PARPBP: variants seen among roughly 807,000 people sequenced by gnomAD.
PARPBP encodes the protein PCNA-interacting partner.
In PARPBP, 52 loss-of-function variants were observed where a neutral mutation model predicts 50.0. The ratio of observed to expected loss-of-function variants is 1.04; its 90% CI spans 0.83 to 1.31. The LOEUF (loss-of-function observed/expected upper bound fraction) is 1.31, where lower values mean the gene tolerates loss of function less well. Ranked by LOEUF, PARPBP falls within the 50% of genes most tolerant of loss-of-function variation. The probability of loss-of-function intolerance (pLI) is 0.00; values close to 1 mark genes in which losing one functional copy is unlikely to be tolerated. For missense variants in PARPBP, 697 were observed against 672.0 expected, an observed-to-expected ratio of 1.04 and a Z score of -0.41; for synonymous variants, 244 against 232.1, an observed-to-expected ratio of 1.05 and a Z score of -0.47.
At chr12:102,193,974 A>G (rs541640152) in intron 9 of PARPBP, among the ~76,000 whole-genome samples, 26 of 152,170 alleles carry the variant, frequency 1.7e-4, no homozygotes, top group African/African-American at 6.0e-4. Flanking sequence ...CTAATGCTTC[A>G]TGTAAGCACA....
chr12:102,124,705 T>C (rs1181334444), intron 2 of PARPBP, among the ~76,000 whole-genome samples: 1 of 152,246 alleles, frequency 6.6e-6, no homozygotes, highest in African/African-American at 2.4e-5. Flanking sequence ...TTGGCAAAGA[T>C]ACTGGCTTGA....
chr12:102,190,609 G>GGCACTTGAAACAGGA (rs1301042741), intron 9 of PARPBP, among the ~76,000 whole-genome samples: 2 of 152,078 alleles, frequency 1.3e-5, no homozygotes, highest in Non-Finnish European at 2.9e-5. Context: ...GTGCCCAGGG[G>GGCACTTGAAACAGGA]TCCTTGAAAC....
chr12:102,136,510 AT>A (rs1199865322), intron 2 of PARPBP, among the ~76,000 whole-genome samples: 1 of 152,250 alleles, frequency 6.6e-6, no homozygotes, highest in Admixed American at 6.5e-5. Context: ...ATACTGAAAT[AT>A]TCAATCCAAG....
At position 102,178,607 on chromosome 12, in the gene PARPBP, A is replaced by G. The variant is rs1020676786; in HGVS notation, c.1021A>G (p.Ile341Val). ...ISPARPKSHA[I>V]NHGTAYCGRD... ...TTTGTCTCAGCCAAAATCTCATGCC[A>G]TAAACCATGGTACTGCATACTGTGG... is the stretch of plus-strand genomic sequence containing the variant. Residue 341 changes from isoleucine to valine, a missense_variant, in exon 8 of 11, where the codon ATA becomes GTA. Coordinates refer to ENST00000327680, the MANE Select transcript of PARPBP (RefSeq NM_017915.5). 1.0e-5 allele frequency: 16 copies of G among 1,584,286 alleles called. No individual in the cohort carries two copies. Among genetic ancestry groups the G allele is most frequent in the Non-Finnish European group, 1.4e-5 (16 of 1,166,412 alleles).
chr12:102,142,560 A>G (rs1220254000), intron 2 of PARPBP, among the ~76,000 whole-genome samples: 3 of 152,204 alleles, frequency 2.0e-5, no homozygotes, highest in East Asian at 1.9e-4. Context: ...TTGGAGGAGA[A>G]GAGGCACTCT....
At chr12:102,163,821 T>G (rs1887848001) in intron 4 of PARPBP, among the ~76,000 whole-genome samples, 1 of 152,246 alleles carries the variant, frequency 6.6e-6, no homozygotes, top group Non-Finnish European at 1.5e-5. Flanking sequence ...AATTTGTTGG[T>G]AACAGATATT....
chr12:102,194,308 C>A (rs1594643776), intron 9 of PARPBP, among the ~76,000 whole-genome samples: 1 of 151,880 alleles, frequency 6.6e-6, no homozygotes, highest in Non-Finnish European at 1.5e-5. Flanking sequence ...CGAAGTGTTA[C>A]ATTTTTGAAT....
chr12:102,160,761 C>T (rs1220376512), intron 4 of PARPBP, among the ~76,000 whole-genome samples: 1 of 151,990 alleles, frequency 6.6e-6, no homozygotes, highest in South Asian at 2.1e-4. Flanking sequence ...CCAGCCTGAC[C>T]AACATGGAGA....
At chr12:102,190,134 T>C (rs1890662277) in intron 9 of PARPBP, among the ~76,000 whole-genome samples, 1 of 152,174 alleles carries the variant, frequency 6.6e-6, no homozygotes, top group South Asian at 2.1e-4. Context: ...GGGGTACATG[T>C]GGTATTTTGA....
chr12:102,171,877 A>G (rs1395714198), intron 6 of PARPBP, among the ~76,000 whole-genome samples: 1 of 152,160 alleles, frequency 6.6e-6, no homozygotes, highest in East Asian at 1.9e-4. Flanking sequence ...TCAAAAAAAA[A>G]AAAAAATTCA....
chr12:102,179,006 G>A (rs1010262070), intron 8 of PARPBP, among the ~76,000 whole-genome samples: 1 of 152,122 alleles, frequency 6.6e-6, no homozygotes, highest in Non-Finnish European at 1.5e-5. Flanking sequence ...TTTAGTTCTT[G>A]TTGTTTTGCT....
intron 2 of PARPBP, among the ~76,000 whole-genome samples, chr12:102,146,045 A>C (rs1324201610): frequency 6.6e-6 from 1 of 152,200 alleles, no homozygotes; most frequent in African/African-American, 2.4e-5. Context: ...ACTACAAACC[A>C]CTGCTCAATG....
chr12:102,149,221 A>AT (rs2138746253), intron 3 of PARPBP, among the ~76,000 whole-genome samples: 1 of 152,364 alleles, frequency 6.6e-6, no homozygotes, highest in Non-Finnish European at 1.5e-5. Context: ...TTTTATAAAT[A>AT]TTTCAATACA....
At chr12:102,144,145 A>C (rs1377640016) in intron 2 of PARPBP, among the ~76,000 whole-genome samples, 1 of 152,228 alleles carries the variant, frequency 6.6e-6, no homozygotes, top group African/African-American at 2.4e-5. Flanking sequence ...ATAGCCCATT[A>C]GTGCTCTTAA....
At chr12:102,193,655 A>G (rs763680946) in intron 9 of PARPBP, among the ~76,000 whole-genome samples, 1 of 152,078 alleles carries the variant, frequency 6.6e-6, no homozygotes. Context: ...TGCTACTATT[A>G]TGTAGTATAA....
chr12:102,190,419 A>T (rs1181423394), intron 9 of PARPBP, among the ~76,000 whole-genome samples: 1 of 152,144 alleles, frequency 6.6e-6, no homozygotes, highest in South Asian at 2.1e-4. Flanking sequence ...AAAGATTTAT[A>T]CAGCTGAGGT....
At chr12:102,168,011 G>A (rs1037272494) in intron 6 of PARPBP, among the ~76,000 whole-genome samples, 1 of 152,126 alleles carries the variant, frequency 6.6e-6, no homozygotes, top group African/African-American at 2.4e-5. Flanking sequence ...CCTCTTAGCA[G>A]TTACTTAGGT....
chr12:102,170,573 A>G (rs1765236733), intron 6 of PARPBP, among the ~76,000 whole-genome samples: 1 of 152,210 alleles, frequency 6.6e-6, no homozygotes, highest in African/African-American at 2.4e-5. Context: ...ACTTGCCATG[A>G]CTGGAGTTTG....
Position 102,196,711 on chromosome 12 carries a change from G to A in PARPBP, c.*420G>A, listed in dbSNP as rs754440818. Reference sequence around the variant, plus strand: ...AGCATACATCTGAGCACTGAAGGAAGAAGAAAGTTTAAATTGTTTAAAGGA... The same window carrying A: ...AGCATACATCTGAGCACTGAAGGAAAAAGAAAGTTTAAATTGTTTAAAGGA... On this transcript the variant is annotated 3_prime_UTR_variant, in exon 11 of 11. Transcript: ENST00000327680. The A allele has an allele frequency of 2.5e-6, 4 of 1,603,218 alleles. No homozygotes were observed. In the South Asian group the frequency reaches 4.4e-5, roughly 18 times the overall value.
Sources: gnomAD v4.1 joint callset for allele counts (sites outside exome capture counted in the v4.1 genomes callset) on GRCh38, gnomAD v4.1.1 for gene constraint, MANE v1.5 for transcripts, NCBI Gene and HGNC (gene_info 2026-07-23, HGNC 2026-07-21) for gene names.